Variants in GLRA3 observed in about 807,000 individuals in gnomAD.
GLRA3 encodes glycine receptor alpha 3.
A neutral mutation model predicts 60.4 loss-of-function variants in GLRA3; 44 were observed. The ratio of observed to expected loss-of-function variants is 0.73; its 90% CI spans 0.57 to 0.94. GLRA3 has a LOEUF of 0.94. Among genes scored for constraint, GLRA3 ranks in the 40% least tolerant of loss-of-function variants. The pLI is 0.00. For synonymous variants in GLRA3, 223 were observed against 192.9 expected (o/e 1.16, Z -1.29); for missense variants, 508 against 564.6 (o/e 0.90, Z 1.02).
At chr4:174,719,618 T>G (rs1736063436) in intron 4 of GLRA3, among the ~76,000 whole-genome samples, 1 of 152,172 alleles carries the variant, frequency 6.6e-6, no homozygotes, top group African/African-American at 2.4e-5. Flanking sequence ...TAAATCACTC[T>G]TAGGAGAGAT....
At chr4:174,812,111 C>T (rs1344755776) in intron 1 of GLRA3, among the ~76,000 whole-genome samples, 1 of 151,928 alleles carries the variant, frequency 6.6e-6, no homozygotes, top group Non-Finnish European at 1.5e-5. Flanking sequence ...CAGAAATAAG[C>T]AATACTGACA....
intron 3 of GLRA3, among the ~76,000 whole-genome samples, chr4:174,757,223 C>CAA (rs1737754287): frequency 6.6e-6 from 1 of 151,992 alleles, no homozygotes; most frequent in Non-Finnish European, 1.5e-5. Context: ...ATTGTTTGCC[C>CAA]ATATATTAAT....
intron 2 of GLRA3, among the ~76,000 whole-genome samples, chr4:174,767,534 A>T (rs1036208802): frequency 1.3e-5 from 2 of 152,054 alleles, no homozygotes; most frequent in African/African-American, 4.8e-5. Context: ...TTCTTTAGTG[A>T]CTTACCTGGA....
At chr4:174,657,995 C>T (rs1281323533) in intron 8 of GLRA3, among the ~76,000 whole-genome samples, 1 of 152,074 alleles carries the variant, frequency 6.6e-6, no homozygotes, top group African/African-American at 2.4e-5. Flanking sequence ...ATGTTTAATA[C>T]TAAGTAGATT....
rs1354544527 is a variant in GLRA3, at chr4:174,779,108, AC to A, written c.199+9707del. On this transcript the variant is annotated intron_variant, in intron 2 of 9. Transcript: ENST00000274093. ...TGAAGAGAGCAGTGGTTCTCCCAGC[AC>A]GCAGCTGGAGATCTGAGAACGGGCA... Among the ~76,000 whole-genome samples, 4 of 152,330 alleles carry A rather than the reference AC, an allele frequency of 2.6e-5. No homozygotes were observed. In the Middle Eastern group the frequency reaches 0.01, roughly 389 times the overall value.
intron 3 of GLRA3, among the ~76,000 whole-genome samples, chr4:174,730,078 A>C (rs1053001952): frequency 6.6e-6 from 1 of 152,170 alleles, no homozygotes; most frequent in South Asian, 2.1e-4. Context: ...TAGCTGCCCC[A>C]TGTATCTTCC....
intron 8 of GLRA3, among the ~76,000 whole-genome samples, chr4:174,658,505 G>T (rs977092555): frequency 2.6e-5 from 4 of 152,108 alleles, no homozygotes; most frequent in African/African-American, 9.7e-5. Context: ...TTATCAGATA[G>T]TAGCCAGGCA....
intron 5 of GLRA3, among the ~76,000 whole-genome samples, chr4:174,687,170 T>C (rs78082706): frequency 0.16 from 25,080 of 152,226 alleles, 2,664 homozygotes; most frequent in South Asian, 0.28. Flanking sequence ...TACTGTATTT[T>C]TACTGCCATA....
intron 7 of GLRA3, among the ~76,000 whole-genome samples, chr4:174,667,151 G>C (rs1035159645): frequency 6.6e-6 from 1 of 152,032 alleles, no homozygotes; most frequent in Non-Finnish European, 1.5e-5. Context: ...TTCCAGACTG[G>C]TAGTGGCACA....
chr4:174,706,034 C>T (rs1440388231), intron 5 of GLRA3, among the ~76,000 whole-genome samples: 1 of 151,992 alleles, frequency 6.6e-6, no homozygotes, highest in Non-Finnish European at 1.5e-5. Context: ...TCCAGACCAT[C>T]CTGTGTAACA....
At chr4:174,700,069 A>G (rs1735247262) in intron 5 of GLRA3, among the ~76,000 whole-genome samples, 1 of 152,148 alleles carries the variant, frequency 6.6e-6, no homozygotes, top group South Asian at 2.1e-4. Flanking sequence ...TAGCCCAAGG[A>G]TATATTAAGG....
In GLRA3 at chr4:174,765,217, T is replaced by C. The variant is rs1435726064; in HGVS notation, c.267+1746A>G. Among the ~76,000 whole-genome samples, 3 of 152,166 alleles carry C rather than the reference T, an allele frequency of 2.0e-5. No individual in the cohort carries two copies. The East Asian group carries it at 5.8e-4, about 29-fold the overall frequency. On this transcript the variant is annotated intron_variant, in intron 3 of 9. Coordinates refer to ENST00000274093, the MANE Select transcript of GLRA3 (RefSeq NM_006529.4). ...TTGTTAAGGTAAGAAATTTAACTGG[T>C]GTAGCCATCTTATAGATTGTGTTAT... is the stretch of plus-strand genomic sequence containing the variant.
intron 1 of GLRA3, among the ~76,000 whole-genome samples, chr4:174,800,320 T>C (rs1739755740): frequency 6.6e-6 from 1 of 152,150 alleles, no homozygotes; most frequent in Non-Finnish European, 1.5e-5. Context: ...AGAAGATTAA[T>C]TTTAACTACT....
At position 174,704,303 on chromosome 4, in the gene GLRA3, G is replaced by A. The variant is rs957240004; in HGVS notation, c.574+11185C>T. ...AGTCAGACCCTATATACAAAAAATGGTGACAGCTCTGAGTAGTAAAGAATA... is the reference window on the plus strand; with the variant it reads ...AGTCAGACCCTATATACAAAAAATGATGACAGCTCTGAGTAGTAAAGAATA... On this transcript the variant is annotated intron_variant, in intron 5 of 9. Transcript: ENST00000274093. Among the ~76,000 whole-genome samples, 8 of 143,052 alleles carry A rather than the reference G, an allele frequency of 5.6e-5. 1 individual carries two copies. The highest frequency in any genetic ancestry group is 1.4e-4 in the Admixed American group (2 of 13,878). The allele number at this position is 143,052 out of a possible 152,430, so 93.8% of individuals were successfully genotyped here.
chr4:174,793,531 C>T (rs1047332669), intron 1 of GLRA3, among the ~76,000 whole-genome samples: 5 of 151,848 alleles, frequency 3.3e-5, no homozygotes, highest in African/African-American at 1.2e-4. Context: ...CAGCTCCCCG[C>T]AACGTTGAAC....
intron 1 of GLRA3, among the ~76,000 whole-genome samples, chr4:174,823,386 G>C (rs369826408): frequency 6.6e-6 from 1 of 152,250 alleles, no homozygotes; most frequent in South Asian, 2.1e-4. Context: ...TTAGCTGGGC[G>C]TGGTGGCATG....
At chr4:174,667,906 C>A (rs1372005106) in intron 7 of GLRA3, among the ~76,000 whole-genome samples, 1 of 152,088 alleles carries the variant, frequency 6.6e-6, no homozygotes, top group East Asian at 1.9e-4. Context: ...TCTGTGCCCC[C>A]ACCCAAAACT....
chr4:174,686,679 C>T (rs1324859119), intron 5 of GLRA3, among the ~76,000 whole-genome samples: 1 of 152,154 alleles, frequency 6.6e-6, no homozygotes, highest in Non-Finnish European at 1.5e-5. Flanking sequence ...GTGATATCTA[C>T]CTAGGCCTCA....
chr4:174,751,074 T>TCTAA (rs1737462950), intron 3 of GLRA3, among the ~76,000 whole-genome samples: 1 of 148,650 alleles, frequency 6.7e-6, no homozygotes, highest in African/African-American at 2.5e-5. Flanking sequence ...TATCTATCTA[T>TCTAA]CTATCTATCT....
Sources: allele counts gnomAD v4.1 joint callset (sites outside exome capture counted in the v4.1 genomes callset), GRCh38; gene constraint gnomAD v4.1.1; transcripts MANE v1.5; gene names NCBI Gene and HGNC (gene_info 2026-07-23, HGNC 2026-07-21).